PTPN1: variants seen among roughly 807,000 people sequenced by gnomAD.
PTPN1 encodes protein tyrosine phosphatase non-receptor type 1, also known as tyrosine-protein phosphatase non-receptor type 1.
PTPN1 carries 12 observed loss-of-function variants against 59.9 expected under a neutral mutation model. The observed-to-expected ratio is 0.20, with a 90% confidence interval of 0.13 to 0.32. The LOEUF (loss-of-function observed/expected upper bound fraction) is 0.32, where lower values mean the gene tolerates loss of function less well. Ranked by LOEUF, PTPN1 falls within the 10% of genes least tolerant of loss-of-function variation. PTPN1 has a pLI of 1.00. For missense variants in PTPN1, 356 were observed against 549.2 expected (o/e 0.65, Z 3.52); for synonymous variants, 178 against 203.6 (o/e 0.87, Z 1.07).
intron 1 of PTPN1, among the ~76,000 whole-genome samples, chr20:50,511,366 G>GAGAC (rs1348432934): frequency 3.9e-5 from 6 of 152,198 alleles, no homozygotes; most frequent in Non-Finnish European, 8.8e-5. Flanking sequence ...GTCAAAGGAG[G>GAGAC]AGACATTTGC....
chr20:50,571,338 AG>A (rs2082807550), intron 4 of PTPN1: 1 of 152,244 alleles, frequency 6.6e-6, no homozygotes, highest in African/African-American at 2.4e-5. Context: ...ATTCCACTGG[AG>A]GATTACTTGG....
At chr20:50,563,185 C>T (rs1427458884) in intron 2 of PTPN1, 3 of 151,600 alleles carry the variant, frequency 2.0e-5, no homozygotes, top group Non-Finnish European at 4.4e-5. Context: ...CTCTTATCTT[C>T]CTCCCGTACT....
At chr20:50,558,756 T>G (rs1006208974) in intron 1 of PTPN1, among the ~76,000 whole-genome samples, 16 of 152,182 alleles carry the variant, frequency 1.1e-4, no homozygotes, top group Non-Finnish European at 2.2e-4. Context: ...GGATAGCGTG[T>G]TCACACAGCT....
At chr20:50,545,841 C>T (rs1322635583) in intron 1 of PTPN1, among the ~76,000 whole-genome samples, 5 of 149,810 alleles carry the variant, frequency 3.3e-5, no homozygotes, top group East Asian at 3.9e-4. Context: ...CATAGCGAGA[C>T]CCCCCCTCCC....
chr20:50,567,944 T>C (rs1377447978), intron 3 of PTPN1, among the ~76,000 whole-genome samples: 1 of 152,196 alleles, frequency 6.6e-6, no homozygotes, highest in Non-Finnish European at 1.5e-5. Flanking sequence ...CAGGGAGCGA[T>C]GAAGTGACTT....
intron 1 of PTPN1, among the ~76,000 whole-genome samples, chr20:50,539,997 T>G (rs915044629): frequency 5.3e-5 from 8 of 152,122 alleles, no homozygotes; most frequent in Admixed American, 4.6e-4. Context: ...TGTTTGATCT[T>G]CTTTGCCTGT....
intron 1 of PTPN1, among the ~76,000 whole-genome samples, chr20:50,531,880 A>G (rs1430273391): frequency 6.6e-6 from 1 of 152,078 alleles, no homozygotes; most frequent in African/African-American, 2.4e-5. Context: ...ACTAGCAATT[A>G]CTGACATGTG....
At chr20:50,580,050 T>A in intron 8 of PTPN1, 124 bp downstream of exon 8, 1 of 905,078 alleles carries the variant, frequency 1.1e-6, no homozygotes, top group African/African-American at 1.7e-5. Context: ...TCCGCATCCT[T>A]GGGGAACAGG....
At chr20:50,573,465 T>G (rs2082821008) in intron 4 of PTPN1, 1 of 152,338 alleles carries the variant, frequency 6.6e-6, no homozygotes, top group Non-Finnish European at 1.5e-5. Flanking sequence ...TAGTCCACCT[T>G]GTCACTGCTG....
chr20:50,533,115 T>A (rs2082608690), intron 1 of PTPN1, among the ~76,000 whole-genome samples: 1 of 152,026 alleles, frequency 6.6e-6, no homozygotes, highest in Admixed American at 6.6e-5. Flanking sequence ...GAAATAAATA[T>A]ATAGTTTTTT....
At position 50,584,246 on chromosome 20, in the gene PTPN1, G is replaced by A. The variant is rs537749091; in HGVS notation, c.*1531G>A. 6.5e-6 allele frequency: 1 copy of A among 152,784 alleles called. No individual in the cohort carries two copies. The highest frequency in any genetic ancestry group is 2.4e-5 in the African/African-American group (1 of 41,588). 9.5% of individuals were successfully genotyped at this position (152,784 alleles called of 1,614,324 possible). A position where few individuals can be genotyped will look rare whatever the true frequency, so the allele number is the denominator to read the frequency against. On this transcript the variant is annotated 3_prime_UTR_variant, in exon 10 of 10. Transcript: ENST00000371621. The stretch of plus-strand genomic sequence containing the variant: ...ATTCTGTGGTGGGAACATTCGAGGT[G>A]TCACCCTGCAGAGCTATGGTGAGGT...
Position 50,581,299 on chromosome 20 carries a change from G to A in PTPN1, c.1123G>A (p.Val375Met), listed in dbSNP as rs138343840. The A allele has an allele frequency of 1.8e-4, 290 of 1,612,984 alleles. No individual in the cohort carries two copies. The highest frequency in any genetic ancestry group is 2.2e-4 in the Non-Finnish European group (260 of 1,179,178). ...AGACACTGAAGTTAGAAGTCGGGTC[G>A]TGGGGGGAAGTCTTCGAGGTGCCCA... ...SQDTEVRSRV[V>M]GGSLRGAQAA... is the part of the protein sequence containing the mutation. Residue 375 changes from valine (V) to methionine (M), a missense_variant, in exon 9 of 10, where the codon GTG (valine) becomes ATG (methionine). Val to Met is a conservative substitution (Grantham distance 21, BLOSUM62 1). Coordinates refer to ENST00000371621, the MANE Select transcript of PTPN1 (RefSeq NM_002827.4).
chr20:50,579,617 C>T, intron 7 of PTPN1, 86 bp from the exon 8 acceptor site: 15 of 1,224,358 alleles, frequency 1.2e-5, no homozygotes, highest in Non-Finnish European at 1.8e-5. Flanking sequence ...CCTCGCCAAG[C>T]CGTCACCTCT....
At chr20:50,544,912 A>G (rs1302522185) in intron 1 of PTPN1, among the ~76,000 whole-genome samples, 1 of 152,184 alleles carries the variant, frequency 6.6e-6, no homozygotes, top group African/African-American at 2.4e-5. Context: ...AGGCTGAGGC[A>G]TGAGAATTGC....
intron 1 of PTPN1, among the ~76,000 whole-genome samples, chr20:50,558,675 T>C (rs775955592): frequency 6.6e-6 from 1 of 152,234 alleles, no homozygotes; most frequent in Non-Finnish European, 1.5e-5. Context: ...GGATATTCAG[T>C]TTCCTGGATT....
chr20:50,580,673 A>G (rs562577853), intron 8 of PTPN1, among the ~76,000 whole-genome samples: 3 of 152,198 alleles, frequency 2.0e-5, no homozygotes, highest in African/African-American at 2.4e-5. Flanking sequence ...AGACGTGTGC[A>G]TACTTGACCC....
At chr20:50,581,870 C>T (rs1231503010) in intron 9 of PTPN1, among the ~76,000 whole-genome samples, 1 of 151,902 alleles carries the variant, frequency 6.6e-6, no homozygotes, top group African/African-American at 2.4e-5. Context: ...AAAGTAGGCA[C>T]TTATGAAACT....
At chr20:50,531,985 G>A (rs1035786344) in intron 1 of PTPN1, among the ~76,000 whole-genome samples, 16 of 152,276 alleles carry the variant, frequency 1.1e-4, no homozygotes, top group Non-Finnish European at 1.3e-4. Flanking sequence ...CCACATGTGC[G>A]CCTTGTGACC....
Position 50,510,603 on chromosome 20 carries a change from C to A in PTPN1, c.63+13C>A, listed in dbSNP as rs1375452185. The A allele has an allele frequency of 1.4e-5, 21 of 1,550,470 alleles. No individual in the cohort carries two copies. Among genetic ancestry groups the A allele is most frequent in the Non-Finnish European group, 1.8e-5 (21 of 1,146,470 alleles). On this transcript the variant is annotated intron_variant, in intron 1 of 9. Coordinates refer to ENST00000371621, the MANE Select transcript of PTPN1 (RefSeq NM_002827.4). ...GGCCATTTACCAGGTGCGGGAGCGCCCCGGAGCGTGGCGGGCCCTTCGCTT... is the reference window on the plus strand; with the variant it reads ...GGCCATTTACCAGGTGCGGGAGCGCACCGGAGCGTGGCGGGCCCTTCGCTT...
Sources: gnomAD v4.1 joint callset for allele counts (sites outside exome capture counted in the v4.1 genomes callset) on GRCh38, gnomAD v4.1.1 for gene constraint, MANE v1.5 for transcripts, NCBI Gene and HGNC (gene_info 2026-07-23, HGNC 2026-07-21) for gene names.